The following SNX30 variants were observed in gnomAD, a reference collection of about 807,000 sequenced individuals.
The protein encoded by SNX30 is sorting nexin family member 30.
SNX30 carries 24 observed loss-of-function variants against 46.4 expected under a neutral mutation model. The observed-to-expected ratio is 0.52, with a 90% CI of 0.37 to 0.73. SNX30 has a LOEUF of 0.73. Among genes scored for constraint, SNX30 ranks in the 30% least tolerant of loss-of-function variants. The pLI, the probability that SNX30 is intolerant of heterozygous loss-of-function variation, is 0.00. For missense variants in SNX30, 533 were observed against 555.7 expected, an observed-to-expected ratio of 0.96 and a Z score of 0.41; for synonymous variants, 189 against 211.5, an observed-to-expected ratio of 0.89 and a Z score of 0.92.
At chr9:112,762,026 G>T (rs867730636) in intron 1 of SNX30, among the ~76,000 whole-genome samples, 2 of 152,138 alleles carry the variant, frequency 1.3e-5, no homozygotes, top group Non-Finnish European at 2.9e-5. Flanking sequence ...GGTGTTCCAC[G>T]ATAAATGAGA....
In SNX30 at chr9:112,838,526, G is replaced by T; in HGVS notation, c.843G>T (p.Gly281=). ...IEYLVELREY[G]PVYSTWSALE... ...ACCTTGTGGAGCTGAGAGAATACGG[G>T]CCTGTGTACTCCACATGGAGCGCCT... is the stretch of plus-strand genomic sequence containing the variant. The change falls in exon 6 of 9, where the codon GGG becomes GGT. Residue 281 remains glycine (G), a synonymous_variant. Coordinates refer to ENST00000374232, the MANE Select transcript of SNX30 (RefSeq NM_001012994.2). 1.2e-6 allele frequency: 2 copies of T among 1,613,944 alleles called. No homozygotes were observed. Among genetic ancestry groups the T allele is most frequent in the Non-Finnish European group, 1.7e-6 (2 of 1,179,902 alleles).
At chr9:112,859,784 G>C (rs1486837087) in intron 7 of SNX30, among the ~76,000 whole-genome samples, 1 of 151,698 alleles carries the variant, frequency 6.6e-6, no homozygotes, top group Non-Finnish European at 1.5e-5. Context: ...TGGGATTACA[G>C]GTGTGAGCCG....
At chr9:112,777,870 G>T (rs1184557303) in intron 1 of SNX30, among the ~76,000 whole-genome samples, 2 of 152,122 alleles carry the variant, frequency 1.3e-5, no homozygotes, top group African/African-American at 4.8e-5. Flanking sequence ...TTGCTAGGCA[G>T]ACATTGTTTT....
At chr9:112,826,165 A>G (rs1229256699) in intron 3 of SNX30, among the ~76,000 whole-genome samples, 1 of 152,226 alleles carries the variant, frequency 6.6e-6, no homozygotes, top group African/African-American at 2.4e-5. Flanking sequence ...GTATCGTAAC[A>G]GGACTCATGA....
chr9:112,815,625 T>TGCTGGGATTACAGG (rs1327486318), intron 2 of SNX30, among the ~76,000 whole-genome samples: 5 of 152,236 alleles, frequency 3.3e-5, no homozygotes, highest in Non-Finnish European at 5.9e-5. Flanking sequence ...CCTCCCAAAG[T>TGCTGGGATTACAGG]GCTGGGATTA....
chr9:112,831,493 G>T (rs1352902249), intron 4 of SNX30, among the ~76,000 whole-genome samples: 1 of 152,190 alleles, frequency 6.6e-6, no homozygotes, highest in African/African-American at 2.4e-5. Flanking sequence ...TTTGGTGAGG[G>T]TTTTCTTCTT....
In SNX30 at chr9:112,868,879, C is replaced by T. The variant is rs778282613; in HGVS notation, c.*36C>T. On this transcript the variant is annotated 3_prime_UTR_variant, in exon 9 of 9. Coordinates refer to ENST00000374232, the MANE Select transcript of SNX30 (RefSeq NM_001012994.2). ...TGGGACGGAGACTCTTCTACCTACA[C>T]AGGGCCTGGCACCCTATACCGGAAT... is the stretch of plus-strand genomic sequence containing the variant. The T allele has an allele frequency of 1.4e-5, 23 of 1,599,064 alleles. No homozygotes were observed. The highest frequency in any genetic ancestry group is 1.9e-5 in the Non-Finnish European group (22 of 1,166,464).
At chr9:112,761,236 C>G (rs924954692) in intron 1 of SNX30, among the ~76,000 whole-genome samples, 6 of 152,190 alleles carry the variant, frequency 3.9e-5, no homozygotes, top group African/African-American at 1.2e-4. Context: ...TACCTTGACT[C>G]ACTGCAACCT....
At chr9:112,837,278 A>G (rs1368268982) in intron 5 of SNX30, among the ~76,000 whole-genome samples, 1 of 151,008 alleles carries the variant, frequency 6.6e-6, no homozygotes, top group African/African-American at 2.4e-5. Flanking sequence ...TGTGGGGCCC[A>G]TAGGTTTTGG....
intron 6 of SNX30, among the ~76,000 whole-genome samples, chr9:112,845,992 T>C (rs1428027003): frequency 6.6e-6 from 1 of 151,802 alleles, no homozygotes. Context: ...AGAGAAGATA[T>C]CACAGCCATA....
At chr9:112,790,325 G>T (rs1321953076) in intron 1 of SNX30, among the ~76,000 whole-genome samples, 1 of 152,196 alleles carries the variant, frequency 6.6e-6, no homozygotes, top group African/African-American at 2.4e-5. Flanking sequence ...AGTCAGCTTT[G>T]CTGTGGTAAT....
At chr9:112,877,363 C>T (rs1054359176), downstream of SNX30, 2 of 152,182 alleles carry the variant, frequency 1.3e-5, no homozygotes, top group Admixed American at 6.5e-5. Context: ...GGAGTAGGAA[C>T]GATTAGATTC....
At chr9:112,772,607 C>T (rs1446574228) in intron 1 of SNX30, among the ~76,000 whole-genome samples, 1 of 152,118 alleles carries the variant, frequency 6.6e-6, no homozygotes, top group Admixed American at 6.5e-5. Context: ...AAGGTAGCCA[C>T]TGTATTTTGC....
intron 2 of SNX30, among the ~76,000 whole-genome samples, chr9:112,815,405 G>C (rs1840381174): frequency 6.7e-6 from 1 of 150,252 alleles, no homozygotes; most frequent in Non-Finnish European, 1.5e-5. Context: ...CTGTTTCCCA[G>C]GCTGGAGTGC....
intron 4 of SNX30, among the ~76,000 whole-genome samples, chr9:112,833,699 C>G (rs188444795): frequency 4.6e-5 from 7 of 152,266 alleles, no homozygotes; most frequent in Non-Finnish European, 1.5e-5. Flanking sequence ...TGAAGCGGAG[C>G]CTGTGCAGTC....
At chr9:112,808,558 T>G (rs533427697) in intron 2 of SNX30, among the ~76,000 whole-genome samples, 1 of 152,208 alleles carries the variant, frequency 6.6e-6, no homozygotes, top group Non-Finnish European at 1.5e-5. Flanking sequence ...CACTGTACTT[T>G]TTTGCAGTTG....
At chr9:112,778,212 T>C (rs1839780040) in intron 1 of SNX30, among the ~76,000 whole-genome samples, 2 of 151,786 alleles carry the variant, frequency 1.3e-5, no homozygotes, top group South Asian at 4.2e-4. Flanking sequence ...AAGTGGAAAT[T>C]GCTGGGCCAT....
At chr9:112,837,061 G>A (rs1004354802) in intron 5 of SNX30, among the ~76,000 whole-genome samples, 1 of 152,094 alleles carries the variant, frequency 6.6e-6, no homozygotes, top group Non-Finnish European at 1.5e-5. Context: ...GTAAATGATC[G>A]CACTGGCATG....
intron 4 of SNX30, among the ~76,000 whole-genome samples, chr9:112,833,709 C>A (rs942487270): frequency 1.5e-4 from 23 of 152,138 alleles, no homozygotes; most frequent in Non-Finnish European, 3.1e-4. Flanking sequence ...CCTGTGCAGT[C>A]CAGCGAGCCC....
Sources: allele counts gnomAD v4.1 joint callset (sites outside exome capture counted in the v4.1 genomes callset), GRCh38; gene constraint gnomAD v4.1.1; transcripts MANE v1.5; gene names NCBI Gene and HGNC (gene_info 2026-07-23, HGNC 2026-07-21).